Variants in SPOCK1 observed in about 807,000 individuals in gnomAD.
SPOCK1 encodes the protein SPARC (osteonectin), cwcv and kazal like domains proteoglycan 1.
In SPOCK1, 23 loss-of-function variants were observed where a neutral mutation model predicts 55.3. That is an observed-to-expected ratio of 0.42 (90% CI 0.30 to 0.59). The LOEUF is 0.59. SPOCK1 is among the 20% of genes least tolerant of loss of function. The pLI, the probability that SPOCK1 is intolerant of heterozygous loss-of-function variation, is 0.22. For synonymous variants in SPOCK1, 226 were observed against 221.0 expected (o/e 1.02, Z -0.20); for missense variants, 499 against 552.5 (o/e 0.90, Z 0.97).
At chr5:137,418,029 C>T (rs1301847759) in intron 2 of SPOCK1, among the ~76,000 whole-genome samples, 1 of 152,102 alleles carries the variant, frequency 6.6e-6, no homozygotes, top group Non-Finnish European at 1.5e-5. Flanking sequence ...TGTTCAATTC[C>T]CACCTATGAG....
intron 2 of SPOCK1, among the ~76,000 whole-genome samples, chr5:137,489,690 G>A (rs571390600): frequency 2.6e-5 from 4 of 152,232 alleles, no homozygotes; most frequent in African/African-American, 7.2e-5. Context: ...TGTGTGTTAA[G>A]TTGAAAATGT....
At chr5:137,240,403 G>A (rs1314448217) in intron 3 of SPOCK1, among the ~76,000 whole-genome samples, 2 of 152,144 alleles carry the variant, frequency 1.3e-5, no homozygotes, top group Non-Finnish European at 2.9e-5. Context: ...GAGCAAGGTG[G>A]GAGGAGATGC....
intron 5 of SPOCK1, among the ~76,000 whole-genome samples, chr5:137,094,326 A>G (rs897733960): frequency 2.0e-5 from 3 of 152,184 alleles, no homozygotes; most frequent in African/African-American, 7.2e-5. Flanking sequence ...TGCTATTCCT[A>G]TTCACCACTA....
chr5:137,371,307 AC>A (rs1751196317), intron 2 of SPOCK1, among the ~76,000 whole-genome samples: 1 of 152,218 alleles, frequency 6.6e-6, no homozygotes, highest in Non-Finnish European at 1.5e-5. Flanking sequence ...TGGGGCCAGC[AC>A]TTGCCTTGGA....
At chr5:137,435,946 G>A (rs1332139789) in intron 2 of SPOCK1, among the ~76,000 whole-genome samples, 1 of 151,974 alleles carries the variant, frequency 6.6e-6, no homozygotes, top group Non-Finnish European at 1.5e-5. Flanking sequence ...CTGAGGTCAG[G>A]AGTTCAAGAC....
intron 4 of SPOCK1, among the ~76,000 whole-genome samples, chr5:137,115,626 C>A (rs1249336300): frequency 1.3e-5 from 2 of 152,086 alleles, no homozygotes; most frequent in Non-Finnish European, 1.5e-5. Context: ...GGGCTCTGGG[C>A]ACAAAGGGCA....
intron 3 of SPOCK1, among the ~76,000 whole-genome samples, chr5:137,152,212 G>T (rs536376514): frequency 6.6e-6 from 1 of 152,288 alleles, no homozygotes; most frequent in East Asian, 1.9e-4. Flanking sequence ...TTTACGTTTT[G>T]TGTGTGTGTT....
At chr5:137,255,757 G>C (rs1330680208) in intron 3 of SPOCK1, among the ~76,000 whole-genome samples, 1 of 152,224 alleles carries the variant, frequency 6.6e-6, no homozygotes, top group African/African-American at 2.4e-5. Context: ...TTCAGGGCAA[G>C]GGCCTGAGAG....
intron 3 of SPOCK1, among the ~76,000 whole-genome samples, chr5:137,160,037 T>C (rs1272215726): frequency 6.6e-6 from 1 of 151,990 alleles, no homozygotes; most frequent in East Asian, 1.9e-4. Flanking sequence ...TTAGTGGGGA[T>C]TTGTGAGATT....
intron 6 of SPOCK1, among the ~76,000 whole-genome samples, chr5:137,059,834 CA>C (rs1561594380): frequency 6.6e-6 from 1 of 152,112 alleles, no homozygotes; most frequent in Non-Finnish European, 1.5e-5. Flanking sequence ...ACATGGCCAA[CA>C]AGCATATGAA....
chr5:136,983,251 G>C (rs920949421), intron 9 of SPOCK1, among the ~76,000 whole-genome samples: 7 of 152,240 alleles, frequency 4.6e-5, no homozygotes, highest in Non-Finnish European at 7.4e-5. Context: ...TGGCATGGGA[G>C]GGACAGATTT....
chr5:137,139,001 T>G (rs1205929869), intron 4 of SPOCK1, among the ~76,000 whole-genome samples: 1 of 152,206 alleles, frequency 6.6e-6, no homozygotes, highest in East Asian at 1.9e-4. Context: ...TCCTCTCATT[T>G]GTAAAGCAGA....
intron 8 of SPOCK1, among the ~76,000 whole-genome samples, chr5:136,987,357 A>C (rs2126961222): frequency 1.3e-5 from 2 of 152,308 alleles, no homozygotes; most frequent in South Asian, 4.1e-4. Context: ...AACCTGATAG[A>C]AAAAATATAC....
At chr5:137,457,057 A>C (rs1464662739) in intron 2 of SPOCK1, among the ~76,000 whole-genome samples, 1 of 152,204 alleles carries the variant, frequency 6.6e-6, no homozygotes, top group Non-Finnish European at 1.5e-5. Context: ...GTTTAGCTTG[A>C]TATTCAGTAG....
intron 2 of SPOCK1, among the ~76,000 whole-genome samples, chr5:137,417,456 C>T (rs1337456677): frequency 6.6e-6 from 1 of 151,606 alleles, no homozygotes; most frequent in East Asian, 1.9e-4. Context: ...GTGTAACCAC[C>T]ACACCAATCA....
chr5:136,979,857 TAAGTA>T (rs1750695386), intron 9 of SPOCK1, among the ~76,000 whole-genome samples: 1 of 151,364 alleles, frequency 6.6e-6, no homozygotes, highest in Non-Finnish European at 1.5e-5. Flanking sequence ...CTAGGAAAAT[TAAGTA>T]ATCTTCCCAA....
chr5:137,093,724 G>A (rs1215548560), intron 5 of SPOCK1, among the ~76,000 whole-genome samples: 1 of 152,188 alleles, frequency 6.6e-6, no homozygotes, highest in Non-Finnish European at 1.5e-5. Context: ...CAGCATGCAG[G>A]CAGAGGGAAC....
chr5:137,184,252 G>A (rs1755023525), intron 3 of SPOCK1, among the ~76,000 whole-genome samples: 1 of 152,222 alleles, frequency 6.6e-6, no homozygotes, highest in Non-Finnish European at 1.5e-5. Flanking sequence ...TAAGCACACA[G>A]TAGACATGAT....
intron 2 of SPOCK1, chr5:137,313,340 G>T: frequency 1.2e-6 from 1 of 854,196 alleles, no homozygotes; most frequent in African/African-American, 1.8e-5. Flanking sequence ...TGAGGTATGG[G>T]CACACAGAAG....
Sources: gnomAD v4.1 joint callset for allele counts (sites outside exome capture counted in the v4.1 genomes callset) on GRCh38, gnomAD v4.1.1 for gene constraint, MANE v1.5 for transcripts, NCBI Gene and HGNC (gene_info 2026-07-23, HGNC 2026-07-21) for gene names.